Variants in C8B observed in about 807,000 individuals in gnomAD.
C8B encodes complement C8 beta chain.
C8B carries 67 observed loss-of-function variants against 64.6 expected under a neutral mutation model. The observed-to-expected ratio is 1.04, with a 90% CI of 0.85 to 1.27. The LOEUF (loss-of-function observed/expected upper bound fraction) is 1.27. Among genes scored for constraint, C8B ranks in the 50% most tolerant of loss-of-function variants. C8B has a pLI of 0.00. For missense variants in C8B, 790 were observed against 725.2 expected (o/e 1.09, Z -1.03); for synonymous variants, 284 against 257.7 (o/e 1.10, Z -0.98).
rs532810024 is a variant in C8B at position 56,933,274 on chromosome 1, G to T, written c.1552+61C>A. The T allele has an allele frequency of 7.8e-6, 11 of 1,417,320 alleles. No homozygotes were observed. The South Asian group carries it at 1.1e-4, about 15-fold the overall frequency. 87.8% of individuals were successfully genotyped at this position (1,417,320 alleles called of 1,614,324 possible). On this transcript the variant is annotated intron_variant, in intron 10 of 11. Transcript: ENST00000371237. ...GTAAACAGAAGCAGGCAAATGGCTG[G>T]CCCCCGGCCTGCTTCAGATTATGGC...
intron 2 of C8B, 88 bp downstream of exon 2, chr1:56,959,931 TG>T: frequency 6.4e-6 from 9 of 1,406,900 alleles, no homozygotes; most frequent in Middle Eastern, 3.9e-4. Flanking sequence ...GCCAACTATG[TG>T]CCAGGCACTG....
intron 3 of C8B, among the ~76,000 whole-genome samples, chr1:56,955,519 G>C (rs553707129): frequency 2.6e-5 from 4 of 152,284 alleles, no homozygotes; most frequent in Admixed American, 2.6e-4. Context: ...CCATAAGACA[G>C]GTAGTCCTAT....
Position 56,959,540 on chromosome 1 carries a change from GCATGAAGAAA to G in C8B, c.249+470_249+479del, listed in dbSNP as rs1335987414. On this transcript the variant is annotated intron_variant, in intron 2 of 11. Coordinates refer to ENST00000371237, the MANE Select transcript of C8B (RefSeq NM_000066.4). ...AAATGTCATCCTACCTGAGAAAGCA[GCATGAAGAAA>G]CGCCCAGAGAGAGTGAAGGCCAGAG... 5 of 1,501,356 alleles carry G rather than the reference GCATGAAGAAA, an allele frequency of 3.3e-6. No homozygotes were observed. In the African/African-American group the frequency reaches 6.9e-5, roughly 21 times the overall value. The allele number at this position is 1,501,356 out of a possible 1,614,324, so 93.0% of individuals were successfully genotyped here.
intron 2 of C8B, among the ~76,000 whole-genome samples, chr1:56,958,740 T>C (rs1645136560): frequency 6.6e-6 from 1 of 152,162 alleles, no homozygotes; most frequent in South Asian, 2.1e-4. Flanking sequence ...GATGAAGCAA[T>C]TATCCAGATA....
chr1:56,932,098 G>T (rs1418584035), intron 10 of C8B, among the ~76,000 whole-genome samples: 1 of 152,202 alleles, frequency 6.6e-6, no homozygotes, highest in East Asian at 1.9e-4. Context: ...AATACATAGA[G>T]TTGTTGAAGA....
intron 1 of C8B, among the ~76,000 whole-genome samples, chr1:56,963,194 C>T (rs1645202690): frequency 6.6e-6 from 1 of 152,072 alleles, no homozygotes; most frequent in African/African-American, 2.4e-5. Context: ...CCCAGGTCTC[C>T]CACTCTTTTC....
At chr1:56,949,903 C>T in intron 5 of C8B, 151 bp from the exon 6 acceptor site, 1 of 661,784 alleles carries the variant, frequency 1.5e-6, no homozygotes, top group Non-Finnish European at 2.7e-6. Flanking sequence ...TGTGTCCCCA[C>T]CTCAGGGCTC....
intron 11 of C8B, among the ~76,000 whole-genome samples, chr1:56,930,461 C>T (rs902601507): frequency 6.6e-6 from 1 of 152,196 alleles, no homozygotes; most frequent in Admixed American, 6.5e-5. Flanking sequence ...CCAAGGGCTC[C>T]TCCAACCAAT....
chr1:56,956,609 A>G (rs1035905095), intron 3 of C8B, among the ~76,000 whole-genome samples, 160 bp downstream of exon 3: 2 of 152,204 alleles, frequency 1.3e-5, no homozygotes, highest in Non-Finnish European at 2.9e-5. Flanking sequence ...TTTTTATAAA[A>G]TAATGCATGT....
intron 8 of C8B, among the ~76,000 whole-genome samples, chr1:56,942,080 G>C (rs191237566): frequency 3.3e-5 from 5 of 152,332 alleles, no homozygotes; most frequent in Non-Finnish European, 5.9e-5. Context: ...AGTAATCTAA[G>C]TGCTGTACAT....
In C8B at chr1:56,952,038, T is replaced by C; in HGVS notation, c.666+10A>G. On this transcript the variant is annotated intron_variant, in intron 5 of 11. Coordinates refer to ENST00000371237, the MANE Select transcript of C8B (RefSeq NM_000066.4). ...GGGGCTCCCTCCACTGCTACCTGGC[T>C]GTCTCTTACCTGTGGCGTGTAGCTT... The C allele has an allele frequency of 6.2e-7, 1 of 1,613,810 alleles. No homozygotes were observed. Among genetic ancestry groups the C allele is most frequent in the Non-Finnish European group, 8.5e-7 (1 of 1,179,994 alleles).
At chr1:56,944,806 G>A (rs1644917394) in intron 7 of C8B, among the ~76,000 whole-genome samples, 1 of 152,184 alleles carries the variant, frequency 6.6e-6, no homozygotes, top group Non-Finnish European at 1.5e-5. Context: ...GGTGTACCAC[G>A]TGTCCTCTTG....
At position 56,933,502 on chromosome 1, in the gene C8B, A is replaced by T; in HGVS notation, c.1399-14T>A. ...CAGAGGCTCCACCTGGAAAGGGAAA[A>T]GGGCATTTATTTCAAGAGAAAAACA... On this transcript the variant is annotated splice_polypyrimidine_tract_variant and intron_variant, in intron 9 of 11. Coordinates refer to ENST00000371237, the MANE Select transcript of C8B (RefSeq NM_000066.4). 1 of 1,610,986 alleles carries T rather than the reference A, an allele frequency of 6.2e-7. No individual in the cohort carries two copies. The highest frequency in any genetic ancestry group is 8.5e-7 in the Non-Finnish European group (1 of 1,177,166).
intron 1 of C8B, among the ~76,000 whole-genome samples, chr1:56,963,291 T>C (rs1167991493): frequency 1.3e-5 from 2 of 152,182 alleles, no homozygotes; most frequent in Admixed American, 1.3e-4. Flanking sequence ...CATCAGCTTA[T>C]ATAGATGGGG....
rs1486409514 is a variant in C8B, at chr1:56,941,024, A to G, written c.1235-12T>C. 1.9e-6 allele frequency: 3 copies of G among 1,613,920 alleles called. No individual in the cohort carries two copies. The highest frequency in any genetic ancestry group is 2.5e-6 in the Non-Finnish European group (3 of 1,179,934). On this transcript the variant is annotated splice_polypyrimidine_tract_variant and intron_variant, in intron 8 of 11. Transcript: ENST00000371237. ...CCTCTTGTTTCTGTCTGGAATGGACACAGAGCTAGCAGGTCACAGAAGATA... is the reference window on the plus strand; with the variant it reads ...CCTCTTGTTTCTGTCTGGAATGGACGCAGAGCTAGCAGGTCACAGAAGATA...
Position 56,954,733 on chromosome 1 carries a change from A to G in C8B, c.486T>C (p.Cys162=), listed in dbSNP as rs1450173553. The G allele has an allele frequency of 1.9e-6, 3 of 1,614,068 alleles. No individual in the cohort carries two copies. The highest frequency in any genetic ancestry group is 2.5e-6 in the Non-Finnish European group (3 of 1,180,020). The change falls in exon 4 of 12, where the codon TGT becomes TGC. Residue 162 remains cysteine (C), a synonymous_variant. Coordinates refer to ENST00000371237, the MANE Select transcript of C8B (RefSeq NM_000066.4). ...EANCRRIYKK[C]QHEMDQYWGI... ...CCCAGTATTGGTCCATTTCATGCTGACATTTTTTATAAATCCTTCTACAGT... is the reference window on the plus strand; with the variant it reads ...CCCAGTATTGGTCCATTTCATGCTGGCATTTTTTATAAATCCTTCTACAGT...
In C8B at chr1:56,937,710, C is replaced by T. The variant is rs866143918; in HGVS notation, c.1398+3139G>A. 2.0e-4 allele frequency among the ~76,000 whole-genome samples: 31 copies of T among 152,116 alleles called. 1 individual carries two copies. The highest frequency in any genetic ancestry group is 1.7e-3 in the East Asian group (9 of 5,204). On this transcript the variant is annotated intron_variant, in intron 9 of 11. Transcript: ENST00000371237. ...TTTAAGTATATCCCATGCAATATTT[C>T]GGAGATACTTACACTAAAAAATTAT...
intron 4 of C8B, among the ~76,000 whole-genome samples, chr1:56,952,447 G>A (rs1482641788): frequency 6.6e-6 from 1 of 152,126 alleles, no homozygotes; most frequent in Non-Finnish European, 1.5e-5. Context: ...CGCCCAGAAT[G>A]CCCTTCCACC....
At position 56,943,052 on chromosome 1, in the gene C8B, C is replaced by A. The variant is rs146843851; in HGVS notation, c.1234+644G>T. ...TGGAGATTGCAGTGAGCCGAGATCA[C>A]GCCAGAGTAAGACTCTGTCTCAAAA... On this transcript the variant is annotated intron_variant, in intron 8 of 11. Transcript: ENST00000371237. Among the ~76,000 whole-genome samples the A allele has an allele frequency of 2.2e-3, 326 of 151,610 alleles. 1 individual carries two copies. Among genetic ancestry groups the A allele is most frequent in the African/African-American group, 7.2e-3 (300 of 41,380 alleles).
Sources: gnomAD v4.1 joint callset for allele counts (sites outside exome capture counted in the v4.1 genomes callset) on GRCh38, gnomAD v4.1.1 for gene constraint, MANE v1.5 for transcripts, NCBI Gene and HGNC (gene_info 2026-07-23, HGNC 2026-07-21) for gene names.